The following SMYD3 variants were observed in gnomAD, a reference collection of about 807,000 sequenced individuals.
SMYD3 encodes histone-lysine N-methyltransferase SMYD3.
SMYD3 carries 36 observed loss-of-function variants against 57.7 expected under a neutral mutation model. The ratio of observed to expected loss-of-function variants is 0.62; its 90% CI spans 0.48 to 0.82. The LOEUF (loss-of-function observed/expected upper bound fraction) is 0.82. Ranked by LOEUF, SMYD3 falls within the 40% of genes least tolerant of loss-of-function variation. The pLI, the probability that SMYD3 is intolerant of heterozygous loss-of-function variation, is 0.00. For missense variants in SMYD3, 515 were observed against 538.8 expected (o/e 0.96, Z 0.44); for synonymous variants, 211 against 195.0 (o/e 1.08, Z -0.68).
At chr1:246,296,687 A>C (rs1264098074) in intron 5 of SMYD3, among the ~76,000 whole-genome samples, 2 of 152,140 alleles carry the variant, frequency 1.3e-5, no homozygotes, top group Non-Finnish European at 2.9e-5. Flanking sequence ...CCCTCCGAAA[A>C]GACATTTGTT....
chr1:246,139,353 A>G (rs2061715134), intron 5 of SMYD3, among the ~76,000 whole-genome samples: 1 of 152,212 alleles, frequency 6.6e-6, no homozygotes, highest in Admixed American at 6.5e-5. Flanking sequence ...AACTTGGTTG[A>G]CTTCATTCTA....
chr1:246,506,584 G>A (rs1356508980), intron 1 of SMYD3, among the ~76,000 whole-genome samples: 1 of 152,154 alleles, frequency 6.6e-6, no homozygotes, highest in Non-Finnish European at 1.5e-5. Flanking sequence ...TCTTCCACCT[G>A]CTGCAAGCCT....
At chr1:246,156,110 CT>C (rs1189494369) in intron 5 of SMYD3, among the ~76,000 whole-genome samples, 2 of 151,730 alleles carry the variant, frequency 1.3e-5, no homozygotes, top group East Asian at 3.9e-4. Flanking sequence ...GGCTCTTAAC[CT>C]TTGGCTCACA....
At position 246,017,867 on chromosome 1, in the gene SMYD3, G is replaced by C. The variant is rs530763813; in HGVS notation, c.532-87930C>G. Among the ~76,000 whole-genome samples the C allele has an allele frequency of 2.6e-5, 4 of 152,232 alleles. No individual in the cohort carries two copies. The East Asian group carries it at 7.7e-4, about 29-fold the overall frequency. ...AACCTATTACTACCGTTATTTTGATGCTGAAATTGCCACAGATTTGGCTAG... is the reference window on the plus strand; with the variant it reads ...AACCTATTACTACCGTTATTTTGATCCTGAAATTGCCACAGATTTGGCTAG... On this transcript the variant is annotated intron_variant, in intron 5 of 11. Coordinates refer to ENST00000490107, the MANE Select transcript of SMYD3 (RefSeq NM_001167740.2).
chr1:246,019,172 C>A (rs2059427141), intron 5 of SMYD3, among the ~76,000 whole-genome samples: 1 of 152,156 alleles, frequency 6.6e-6, no homozygotes, highest in South Asian at 2.1e-4. Context: ...TTTGCTCCTC[C>A]CCCTGGAAGT....
rs2058999928 is a variant in SMYD3, at chr1:245,999,600, GAAAA to G, written c.532-69667_532-69664del. On this transcript the variant is annotated intron_variant, in intron 5 of 11. Transcript: ENST00000490107. ...AAGACCTAAGAGTGAGTCAAAAAAAGAAAAAAAGAAAGAAAGAAAAAGGATTTAA... is the reference window on the plus strand; with the variant it reads ...AAGACCTAAGAGTGAGTCAAAAAAAGAAAGAAAGAAAGAAAAAGGATTTAA... 2.8e-5 allele frequency among the ~76,000 whole-genome samples: 4 copies of G among 141,902 alleles called. No individual in the cohort carries two copies. The South Asian group carries it at 9.2e-4, about 33-fold the overall frequency. 93.1% of individuals were successfully genotyped at this position (141,902 alleles called of 152,430 possible).
intron 10 of SMYD3, among the ~76,000 whole-genome samples, chr1:245,829,810 A>G (rs955827402): frequency 1.3e-5 from 2 of 152,258 alleles, no homozygotes; most frequent in African/African-American, 4.8e-5. Flanking sequence ...AAATACTGAT[A>G]CATGCCACAA....
chr1:246,414,902 AGAC>A (rs1258295659), intron 1 of SMYD3, among the ~76,000 whole-genome samples: 1 of 151,930 alleles, frequency 6.6e-6, no homozygotes, highest in Non-Finnish European at 1.5e-5. Flanking sequence ...TTTTTAGTAG[AGAC>A]GACGTTTCAC....
At chr1:246,129,484 A>G (rs943145919) in intron 5 of SMYD3, among the ~76,000 whole-genome samples, 3 of 151,684 alleles carry the variant, frequency 2.0e-5, no homozygotes, top group East Asian at 1.9e-4. Context: ...CTATTTTCTC[A>G]TTTGGTGAAA....
intron 2 of SMYD3, among the ~76,000 whole-genome samples, chr1:246,343,294 C>T (rs1228924751): frequency 1.3e-5 from 2 of 152,222 alleles, no homozygotes; most frequent in African/African-American, 4.8e-5. Context: ...AATATCAACA[C>T]CAGCTTCTAG....
At chr1:245,760,888 T>A (rs2045816661) in intron 11 of SMYD3, among the ~76,000 whole-genome samples, 1 of 152,270 alleles carries the variant, frequency 6.6e-6, no homozygotes, top group Non-Finnish European at 1.5e-5. Context: ...AGTTTCAGAA[T>A]GCTTGAGATT....
chr1:246,491,223 C>A (rs1189576210), intron 1 of SMYD3, among the ~76,000 whole-genome samples: 2 of 152,046 alleles, frequency 1.3e-5, no homozygotes, highest in African/African-American at 4.8e-5. Context: ...TAGAAAGGAC[C>A]ACTAGTTATG....
intron 5 of SMYD3, among the ~76,000 whole-genome samples, chr1:246,049,340 A>C (rs10399647): frequency 0.19 from 29,499 of 151,946 alleles, 3,703 homozygotes; most frequent in East Asian, 0.39. Context: ...TCTGTCGCCC[A>C]GGCTGGAGTG....
chr1:246,188,862 A>AG (rs1308019064), intron 5 of SMYD3, among the ~76,000 whole-genome samples: 1 of 151,838 alleles, frequency 6.6e-6, no homozygotes, highest in East Asian at 1.9e-4. Context: ...TCGGGAGGCT[A>AG]GTGAGGAGGA....
intron 5 of SMYD3, among the ~76,000 whole-genome samples, chr1:245,963,447 G>A (rs1160294981): frequency 4.6e-5 from 7 of 152,092 alleles, no homozygotes; most frequent in Admixed American, 4.6e-4. Context: ...TCGACATACT[G>A]CTGGGGGTCT....
At chr1:246,079,958 G>A (rs560678557) in intron 5 of SMYD3, among the ~76,000 whole-genome samples, 57 of 152,190 alleles carry the variant, frequency 3.7e-4, no homozygotes, top group Admixed American at 1.3e-4. Context: ...GTAACCTAAC[G>A]GCAGATAAGA....
At chr1:245,871,608 G>A (rs2052196848) in intron 8 of SMYD3, among the ~76,000 whole-genome samples, 1 of 152,200 alleles carries the variant, frequency 6.6e-6, no homozygotes, top group Non-Finnish European at 1.5e-5. Context: ...AGAAATTAGT[G>A]AAAAAGAATG....
chr1:246,481,621 T>TATATATATATATACACAC (rs1307881494), intron 1 of SMYD3, among the ~76,000 whole-genome samples: 30 of 98,554 alleles, frequency 3.0e-4, no homozygotes, highest in Non-Finnish European at 3.8e-4. Flanking sequence ...CATACATATA[T>TATATATATATATACACAC]ACATACATAC....
intron 5 of SMYD3, among the ~76,000 whole-genome samples, chr1:246,167,487 T>C (rs1405973725): frequency 1.3e-5 from 2 of 151,710 alleles, no homozygotes; most frequent in African/African-American, 2.4e-5. Context: ...AAATGTGAAG[T>C]GGCACCTCAT....
Sources: gnomAD v4.1 joint callset for allele counts (sites outside exome capture counted in the v4.1 genomes callset) on GRCh38, gnomAD v4.1.1 for gene constraint, MANE v1.5 for transcripts, NCBI Gene and HGNC (gene_info 2026-07-23, HGNC 2026-07-21) for gene names.